The following MYB variants were observed in gnomAD, a reference collection of about 807,000 sequenced individuals.
MYB encodes the protein transcriptional activator Myb.
Under a neutral mutation model 92.9 loss-of-function variants are expected in MYB, and 28 were observed. The ratio of observed to expected loss-of-function variants is 0.30; its 90% CI spans 0.22 to 0.41. The LOEUF (loss-of-function observed/expected upper bound fraction) is 0.41, where lower values mean the gene tolerates loss of function less well. MYB is among the 10% of genes least tolerant of loss of function. The pLI, the probability that MYB is intolerant of heterozygous loss-of-function variation, is 1.00. For synonymous variants in MYB, 295 were observed against 329.1 expected (o/e 0.90, Z 1.12); for missense variants, 679 against 929.3 (o/e 0.73, Z 3.50).
chr6:135,195,911 C>G lies in MYB; in HGVS notation c.1112C>G (p.Pro371Arg). Residue 371 changes from proline to arginine, a missense_variant, in exon 9 of 16, where the codon CCA becomes CGA. Pro to Arg is a moderately radical substitution (Grantham distance 103). This residue lies in a region of MYB where 20 missense variants were observed against 46.7 expected (regional missense o/e 0.43). Transcript: ENST00000341911. ...PGSLPEESAS[P>R]ARCMIVHQGT... ...TCCCTACCTGAAGAAAGCGCCTCGC[C>G]AGCAAGGTGCATGATCGTCCACCAG... 1.2e-6 allele frequency: 2 copies of G among 1,614,146 alleles called. No individual in the cohort carries two copies. The highest frequency in any genetic ancestry group is 1.7e-6 in the Non-Finnish European group (2 of 1,180,026).
In MYB at chr6:135,219,135, C is replaced by T; in HGVS notation, c.*1155C>T. ...TTGAGATATGACGGTGTACTTACTG[C>T]CTTGTAGCAAAATAAAGATGTGCCC... On this transcript the variant is annotated 3_prime_UTR_variant, in exon 16 of 16. Transcript: ENST00000341911. 1 of 218,482 alleles carries T rather than the reference C, an allele frequency of 4.6e-6. No individual in the cohort carries two copies. Among genetic ancestry groups the T allele is most frequent in the Non-Finnish European group, 9.2e-6 (1 of 108,484 alleles). 13.5% of individuals were successfully genotyped at this position (218,482 alleles called of 1,614,324 possible). A position where few individuals can be genotyped will look rare whatever the true frequency, so the allele number is the denominator to read the frequency against.
At chr6:135,201,988 G>C (rs181880988) in intron 14 of MYB, among the ~76,000 whole-genome samples, 392 of 152,054 alleles carry the variant, frequency 2.6e-3, no homozygotes, top group South Asian at 4.4e-3. Flanking sequence ...CATTATTTGA[G>C]TGCCTTGGCC....
At chr6:135,192,762 G>T (rs557371133) in intron 6 of MYB, among the ~76,000 whole-genome samples, 26 of 152,312 alleles carry the variant, frequency 1.7e-4, no homozygotes, top group Admixed American at 2.6e-4. Flanking sequence ...AGGATGGTAA[G>T]CGCTTTGCCC....
chr6:135,187,951 A>G (rs749038025), intron 3 of MYB, 46 bp downstream of exon 3: 28 of 1,374,096 alleles, frequency 2.0e-5, no homozygotes, highest in Non-Finnish European at 2.9e-5. Context: ...GCTTCTCCCA[A>G]AGATTTCTAT....
chr6:135,185,921 G>C lies in MYB; in HGVS notation c.42G>C (p.Glu14Asp). Residue 14 changes from glutamate (E) to aspartate (D), a missense_variant, in exon 2 of 16, where the codon GAG becomes GAC. Glu to Asp is a conservative substitution (Grantham distance 45). This residue lies in a region of MYB where 88 missense variants were observed against 145.6 expected (regional missense o/e 0.60). Transcript: ENST00000341911. ...RPRHSIYSSD[E>D]DDEDFEMCDH... ...TCTGCAGCATATATAGCAGTGACGA[G>C]GATGATGAGGACTTTGAGATGTGTG... 6.2e-7 allele frequency: 1 copy of C among 1,614,016 alleles called. No individual in the cohort carries two copies. Among genetic ancestry groups the C allele is most frequent in the South Asian group, 1.1e-5 (1 of 91,080 alleles).
intron 15 of MYB, among the ~76,000 whole-genome samples, chr6:135,205,118 A>C (rs1432401630): frequency 6.6e-6 from 1 of 152,110 alleles, no homozygotes; most frequent in Admixed American, 6.6e-5. Flanking sequence ...AATGAACTCC[A>C]CCCAGACATA....
chr6:135,197,120 A>G lies in MYB; in HGVS notation c.1363A>G (p.Met455Val), dbSNP rs760637289. ...GEPSPRVNKRMLSESSLDPPK... is the reference protein window; with the variant it reads ...GEPSPRVNKRVLSESSLDPPK... ...ACCTAGCCCAAGGGTGAACAAACGT[A>G]TGTTGAGTGAGAGTTCACTTGACCC... The change falls in exon 10 of 16, where the codon ATG (methionine) becomes GTG (valine). Residue 455 changes from methionine (M) to valine (V), a missense_variant. By Grantham distance (21) the Met-to-Val change is conservative. Around this residue, in one of 8 missense-constraint regions of MYB, gnomAD observed 402 missense variants for 434.2 expected, o/e 0.93. Coordinates refer to ENST00000341911, the MANE Select transcript of MYB (RefSeq NM_001130173.2). 8.7e-6 allele frequency: 14 copies of G among 1,613,898 alleles called. No individual in the cohort carries two copies. The highest frequency in any genetic ancestry group is 1.2e-5 in the Non-Finnish European group (14 of 1,179,890).
At chr6:135,192,992 A>T (rs1016086059) in intron 6 of MYB, among the ~76,000 whole-genome samples, 1 of 152,210 alleles carries the variant, frequency 6.6e-6, no homozygotes, top group African/African-American at 2.4e-5. Context: ...AGAGTTTGAC[A>T]CTGAAATTCA....
chr6:135,213,588 C>T (rs186330417), intron 15 of MYB, among the ~76,000 whole-genome samples: 3 of 152,258 alleles, frequency 2.0e-5, no homozygotes, highest in Admixed American at 1.3e-4. Context: ...AAGGATCAGA[C>T]CTTGACTTTT....
intron 6 of MYB, among the ~76,000 whole-genome samples, chr6:135,193,241 A>G (rs1425298347): frequency 1.3e-5 from 2 of 152,222 alleles, no homozygotes; most frequent in Non-Finnish European, 1.5e-5. Flanking sequence ...GAGGAAAAAA[A>G]TCGAGAAACT....
chr6:135,193,849 T>A lies in MYB; in HGVS notation c.774T>A (p.His258Gln), dbSNP rs1776945185. ...HISEAQNVSS[H>Q]VPYPVALHVN... Reference sequence around the variant, plus strand: ...TCTTTTGCATCTAGGTCTCCAGTCATGTTCCATACCCTGTAGCGTTACATG... The same window carrying A: ...TCTTTTGCATCTAGGTCTCCAGTCAAGTTCCATACCCTGTAGCGTTACATG... Residue 258 changes from histidine to glutamine, a missense_variant, in exon 7 of 16, where the codon CAT (histidine) becomes CAA (glutamine). Transcript: ENST00000341911. 1.2e-6 allele frequency: 2 copies of A among 1,612,066 alleles called. No individual in the cohort carries two copies. Among genetic ancestry groups the A allele is most frequent in the Admixed American group, 1.7e-5 (1 of 59,996 alleles).
intron 15 of MYB, among the ~76,000 whole-genome samples, chr6:135,208,871 A>G (rs536357176): frequency 2.2e-4 from 34 of 152,334 alleles, no homozygotes; most frequent in South Asian, 1.0e-3. Context: ...ATCAAAATTG[A>G]AACAATTTCA....
At position 135,190,120 on chromosome 6, in the gene MYB, T is replaced by C. The variant is rs748481317; in HGVS notation, c.307-7T>C. The C allele has an allele frequency of 8.7e-6, 14 of 1,613,082 alleles. No individual in the cohort carries two copies. The highest frequency in any genetic ancestry group is 1.1e-5 in the Non-Finnish European group (13 of 1,179,212). Reference sequence around the variant, plus strand: ...AACATAGGTTATTTTTGTGTGTTTATCTGAAGGTGATAGAGCTTGTACAGA... The same window carrying C: ...AACATAGGTTATTTTTGTGTGTTTACCTGAAGGTGATAGAGCTTGTACAGA... On this transcript the variant is annotated splice_region_variant and splice_polypyrimidine_tract_variant and intron_variant, in intron 4 of 15. Transcript: ENST00000341911. This position sits in a 1 kb window ranked among gnomAD's most constrained non-coding sequence, Gnocchi z 4.5.
chr6:135,206,001 C>T (rs1269574399), intron 15 of MYB, among the ~76,000 whole-genome samples: 1 of 151,014 alleles, frequency 6.6e-6, no homozygotes, highest in African/African-American at 2.4e-5. Flanking sequence ...GTCAGGAGAT[C>T]GAGACCATCC....
chr6:135,191,146 A>G (rs1209302990), intron 5 of MYB, among the ~76,000 whole-genome samples: 1 of 152,182 alleles, frequency 6.6e-6, no homozygotes, highest in Non-Finnish European at 1.5e-5. Flanking sequence ...TCATTGATTA[A>G]AGAAATAATG....
chr6:135,207,682 T>G lies in MYB; in HGVS notation c.2169+4358T>G, dbSNP rs77386997. ...TGTACACACATAGATGTATGGAAAA[T>G]ATACTATGTTCTAGAGTCAACAATT... On this transcript the variant is annotated intron_variant, in intron 15 of 15. Transcript: ENST00000341911. Among the ~76,000 whole-genome samples, 1,498 of 152,186 alleles carry G rather than the reference T, an allele frequency of 9.8e-3. 24 individuals carry two copies. Among genetic ancestry groups the G allele is most frequent in the African/African-American group, 0.034 (1,396 of 41,512 alleles).
intron 12 of MYB, 36 bp from the exon 13 acceptor site, chr6:135,200,254 T>C: frequency 6.2e-7 from 1 of 1,613,872 alleles, no homozygotes; most frequent in South Asian, 1.1e-5. Flanking sequence ...CATTAGGAGT[T>C]CTCTCTGATG....
chr6:135,199,684 G>A (rs1583323877), intron 11 of MYB: 5 of 407,676 alleles, frequency 1.2e-5, no homozygotes, highest in African/African-American at 2.2e-5. Context: ...CTGTTATTTC[G>A]AAGTACAAAA....
intron 1 of MYB, among the ~76,000 whole-genome samples, chr6:135,183,333 C>T (rs773276579): frequency 7.2e-5 from 11 of 152,144 alleles, no homozygotes; most frequent in Non-Finnish European, 1.5e-4. Context: ...ATCACAGTAG[C>T]GGCCACAAGG....
Sources: gnomAD v4.1 joint callset for allele counts (sites outside exome capture counted in the v4.1 genomes callset) on GRCh38, gnomAD v4.1.1 for gene constraint, gnomAD v4.1.1 regional missense constraint, Gnocchi (gnomAD v3.1) non-coding constraint, MANE v1.5 for transcripts, NCBI Gene and HGNC (gene_info 2026-07-23, HGNC 2026-07-21) for gene names.